SRFBP1: variants seen among roughly 807,000 people sequenced by gnomAD.
The protein encoded by SRFBP1 is serum response factor-binding protein 1.
Under a neutral mutation model 45.5 loss-of-function variants are expected in SRFBP1, and 47 were observed. The observed-to-expected ratio is 1.03, with a 90% CI of 0.82 to 1.32. The LOEUF (loss-of-function observed/expected upper bound fraction) is 1.32. SRFBP1 is among the 40% of genes most tolerant of loss of function. SRFBP1 has a pLI of 0.00. For synonymous variants in SRFBP1, 203 were observed against 166.3 expected (o/e 1.22, Z -1.70); for missense variants, 621 against 484.6 (o/e 1.28, Z -2.64).
chr5:122,033,058 G>A (rs544329764), downstream of SRFBP1, among the ~76,000 whole-genome samples: 1 of 151,898 alleles, frequency 6.6e-6, no homozygotes, highest in South Asian at 2.1e-4. Context: ...ATTTGGCTGT[G>A]TATTGCTTAC....
At chr5:122,062,818 G>A (rs1015725371) in intron 2 of SRFBP1, among the ~76,000 whole-genome samples, 1 of 151,944 alleles carries the variant, frequency 6.6e-6, no homozygotes, top group African/African-American at 2.4e-5. Context: ...GGATTACTAT[G>A]ATAGCAATGT....
intron 3 of SRFBP1, among the ~76,000 whole-genome samples, chr5:121,984,473 G>T (rs922530203): frequency 6.6e-6 from 1 of 151,598 alleles, no homozygotes; most frequent in Non-Finnish European, 1.5e-5. Context: ...GCCTTTTTAC[G>T]CAGTGTTCAG....
intron 4 of SRFBP1, among the ~76,000 whole-genome samples, chr5:122,003,633 A>G (rs1342129296): frequency 1.3e-5 from 2 of 152,130 alleles, no homozygotes; most frequent in Non-Finnish European, 2.9e-5. Flanking sequence ...TAGAACCTCC[A>G]TACTATTCCT....
chr5:122,043,128 C>A (rs578007338), intron 2 of SRFBP1, among the ~76,000 whole-genome samples: 1 of 152,232 alleles, frequency 6.6e-6, no homozygotes, highest in East Asian at 1.9e-4. Context: ...TAGTGATAGT[C>A]TCATTCTTAA....
rs146148641 is a variant in SRFBP1 at position 122,059,427 on chromosome 5, T to A, written n.312-15888T>A. Among the ~76,000 whole-genome samples the A allele has an allele frequency of 3.1e-3, 471 of 152,198 alleles. 5 individuals are homozygous for A. Among genetic ancestry groups the A allele is most frequent in the African/African-American group, 0.01 (425 of 41,544 alleles). ...TCTCTGATCTGCAATGCAAATTTAA[T>A]GTAGTCACAGATATTCTTGGACTCA... On this transcript the variant is annotated intron_variant and non_coding_transcript_variant, in intron 2 of 2. Transcript: ENST00000504881.
chr5:122,042,112 C>G (rs1178734215), intron 2 of SRFBP1, among the ~76,000 whole-genome samples: 1 of 151,842 alleles, frequency 6.6e-6, no homozygotes, highest in Admixed American at 6.6e-5. Flanking sequence ...ACATTTGTGC[C>G]TAGTGCATTT....
At chr5:121,988,749 A>G (rs1168504290) in intron 3 of SRFBP1, among the ~76,000 whole-genome samples, 1 of 152,242 alleles carries the variant, frequency 6.6e-6, no homozygotes, top group Non-Finnish European at 1.5e-5. Flanking sequence ...TGTGGCCCAC[A>G]GACTCAGAGG....
chr5:121,976,980 T>C (rs761341477), intron 3 of SRFBP1, among the ~76,000 whole-genome samples: 3 of 151,988 alleles, frequency 2.0e-5, no homozygotes, highest in Non-Finnish European at 2.9e-5. Flanking sequence ...ATACTCAATC[T>C]TTAGAATACT....
intron 3 of SRFBP1, among the ~76,000 whole-genome samples, chr5:121,986,830 G>C (rs1752527411): frequency 6.6e-6 from 1 of 152,086 alleles, no homozygotes; most frequent in South Asian, 2.1e-4. Context: ...TGGAAAGAAA[G>C]GGAGTGAGAA....
At chr5:122,036,708 C>T (rs1204897770) in intron 2 of SRFBP1, among the ~76,000 whole-genome samples, 1 of 152,136 alleles carries the variant, frequency 6.6e-6, no homozygotes, top group Non-Finnish European at 1.5e-5. Context: ...CATGTTTTCA[C>T]ACATCATTTT....
intron 2 of SRFBP1, among the ~76,000 whole-genome samples, chr5:122,047,982 C>T (rs1402750419): frequency 6.6e-6 from 1 of 152,148 alleles, no homozygotes; most frequent in Non-Finnish European, 1.5e-5. Flanking sequence ...ACAATCATGT[C>T]ATCTGCAAAC....
intron 2 of SRFBP1, among the ~76,000 whole-genome samples, chr5:122,050,351 T>C (rs1317005600): frequency 6.6e-6 from 1 of 152,176 alleles, no homozygotes; most frequent in Admixed American, 6.5e-5. Flanking sequence ...TGGTAGAATC[T>C]GGCTGTGGAT....
intron 3 of SRFBP1, among the ~76,000 whole-genome samples, chr5:121,980,432 C>T (rs1752385654): frequency 6.6e-6 from 1 of 152,112 alleles, no homozygotes; most frequent in Non-Finnish European, 1.5e-5. Context: ...ATGTGAATAT[C>T]CTGTAGTCTT....
At chr5:122,011,804 C>G (rs1038929767) in intron 4 of SRFBP1, among the ~76,000 whole-genome samples, 2 of 151,678 alleles carry the variant, frequency 1.3e-5, no homozygotes, top group African/African-American at 4.8e-5. Flanking sequence ...AGAGTCTGTT[C>G]TACTCATTCT....
At chr5:122,032,969 T>C (rs1692393554), downstream of SRFBP1, among the ~76,000 whole-genome samples, 1 of 152,186 alleles carries the variant, frequency 6.6e-6, no homozygotes, top group Admixed American at 6.5e-5. Flanking sequence ...TTTGTTTGTT[T>C]TGAGATGGAG....
chr5:122,040,454 TA>T (rs1265379751), intron 2 of SRFBP1, among the ~76,000 whole-genome samples: 1 of 152,154 alleles, frequency 6.6e-6, no homozygotes, highest in Non-Finnish European at 1.5e-5. Context: ...GTTTTCAGGA[TA>T]AAATTAAAAG....
chr5:122,006,071 T>C (rs1752966192), intron 4 of SRFBP1, among the ~76,000 whole-genome samples: 1 of 152,208 alleles, frequency 6.6e-6, no homozygotes. Flanking sequence ...CATTTCTTCT[T>C]GTAAGACAGG....
chr5:122,063,651 GA>G (rs1203577316), intron 2 of SRFBP1: 7 of 151,788 alleles, frequency 4.6e-5, no homozygotes, highest in Admixed American at 2.0e-4. Flanking sequence ...TGTATATATA[GA>G]AAAAAGAGTA....
chr5:122,044,489 T>C (rs1001279054), intron 2 of SRFBP1, among the ~76,000 whole-genome samples: 3 of 152,118 alleles, frequency 2.0e-5, no homozygotes, highest in Non-Finnish European at 1.5e-5. Flanking sequence ...TATTCCCTTT[T>C]CTCCACAACC....
Sources: allele counts gnomAD v4.1 joint callset (sites outside exome capture counted in the v4.1 genomes callset), GRCh38; gene constraint gnomAD v4.1.1; transcripts MANE v1.5; gene names NCBI Gene and HGNC (gene_info 2026-07-23, HGNC 2026-07-21).